Variants in IDUA observed in about 807,000 individuals in gnomAD.
IDUA encodes the protein iduronidase alpha-L-.
In IDUA, 65 loss-of-function variants were observed where a neutral mutation model predicts 68.9. That is an observed-to-expected ratio of 0.94 (90% CI 0.77 to 1.16). The LOEUF (loss-of-function observed/expected upper bound fraction) is 1.16. Among genes scored for constraint, IDUA ranks in the 50% most tolerant of loss-of-function variants. The pLI is 0.00. For synonymous variants in IDUA, 529 were observed against 433.6 expected (o/e 1.22, Z -2.73); for missense variants, 1,046 against 938.0 (o/e 1.12, Z -1.50).
chr4:991,914 C>G lies in IDUA; in HGVS notation c.299+3965C>G, dbSNP rs766773173. On this transcript the variant is annotated intron_variant, in intron 2 of 13. Transcript: ENST00000514224. Reference sequence around the variant, plus strand: ...TGCCCGGTATGGATGGACGCTGGGCCCTGCTGGATCCAGAATCCATCGTGA... The same window carrying G: ...TGCCCGGTATGGATGGACGCTGGGCGCTGCTGGATCCAGAATCCATCGTGA... 22 of 1,042,418 alleles carry G rather than the reference C, an allele frequency of 2.1e-5. No homozygotes were observed. The South Asian group carries it at 3.0e-4, about 14-fold the overall frequency. 64.6% of individuals were successfully genotyped at this position (1,042,418 alleles called of 1,614,324 possible). A position where few individuals can be genotyped will look rare whatever the true frequency, so the allele number is the denominator to read the frequency against.
rs760901993 is a variant in IDUA, at chr4:1,003,073, C to T, written c.1440C>T (p.Leu480=). Reference sequence around the variant, plus strand: ...TCACGCGCTACCTGGACAACGGGCTCTGCAGCCCCGACGGCGAGTGGCGGC... The same window carrying T: ...TCACGCGCTACCTGGACAACGGGCTTTGCAGCCCCGACGGCGAGTGGCGGC... ...VYVTRYLDNG[L]CSPDGEWRRL... Residue 480 remains leucine, a synonymous_variant, in exon 10 of 14, where the codon CTC becomes CTT. Transcript: ENST00000514224. The T allele has an allele frequency of 2.0e-6, 3 of 1,522,142 alleles. No homozygotes were observed. Among genetic ancestry groups the T allele is most frequent in the South Asian group, 2.4e-5 (2 of 82,072 alleles). The allele number at this position is 1,522,142 out of a possible 1,614,324, so 94.3% of individuals were successfully genotyped here. A position where few individuals can be genotyped will look rare whatever the true frequency, so the allele number is the denominator to read the frequency against.
In IDUA at chr4:987,221, T is replaced by C; in HGVS notation, c.137T>C (p.Phe46Ser). ...CGCGCGCTGTGGCCCCTGCGGCGCT[T>C]CTGGAGGAGCACAGGCTTCTGGTGA... ...AARALWPLRR[F>S]WRSTGFCPPL... The change falls in exon 1 of 14, where the codon TTC (phenylalanine) becomes TCC (serine). Residue 46 changes from phenylalanine (F) to serine (S), a missense_variant. Transcript: ENST00000514224. The C allele has an allele frequency of 6.7e-7, 1 of 1,500,496 alleles. No homozygotes were observed. The highest frequency in any genetic ancestry group is 8.8e-7 in the Non-Finnish European group (1 of 1,132,432). 92.9% of individuals were successfully genotyped at this position (1,500,496 alleles called of 1,614,324 possible). A position where few individuals can be genotyped will look rare whatever the true frequency, so the allele number is the denominator to read the frequency against.
At chr4:990,658 C>G in intron 2 of IDUA, 1 of 467,922 alleles carries the variant, frequency 2.1e-6, no homozygotes. Context: ...GAATTAAGAC[C>G]TCTGGTATCA....
chr4:991,869 C>G (rs1315048290), intron 2 of IDUA: 47 of 1,481,390 alleles, frequency 3.2e-5, no homozygotes, highest in Non-Finnish European at 4.1e-5. Flanking sequence ...CTTCTCCTGG[C>G]AGCGCGGGCC....
Position 1,001,561 on chromosome 4 carries a change from A to G in IDUA, c.587A>G (p.Gln196Arg). Residue 196 changes from glutamine (Q) to arginine (R), a missense_variant and splice_region_variant, in exon 5 of 14, where the codon CAA (glutamine) becomes CGA (arginine). Physicochemically the swap from Gln to Arg is conservative, Grantham distance 43. Coordinates refer to ENST00000514224, the MANE Select transcript of IDUA (RefSeq NM_000203.5). ...HDFDNVSMTMQGFLNYYDACS... is the reference protein window; with the variant it reads ...HDFDNVSMTMRGFLNYYDACS... The stretch of plus-strand genomic sequence containing the variant: ...TTTGACAACGTCTCCATGACCATGC[A>G]AGGTGTGCACCGCTTCCTGGGGTCC... 1 of 1,613,130 alleles carries G rather than the reference A, an allele frequency of 6.2e-7. No homozygotes were observed. The highest frequency in any genetic ancestry group is 8.5e-7 in the Non-Finnish European group (1 of 1,179,916).
At chr4:993,761 G>A (rs557207815) in intron 2 of IDUA, among the ~76,000 whole-genome samples, 6 of 152,356 alleles carry the variant, frequency 3.9e-5, no homozygotes, top group South Asian at 2.1e-4. Flanking sequence ...CTTGGTCTCC[G>A]TGTCCAGTCG....
At chr4:999,084 A>C (rs1428888706) in intron 2 of IDUA, among the ~76,000 whole-genome samples, 1 of 152,116 alleles carries the variant, frequency 6.6e-6, no homozygotes, top group East Asian at 1.9e-4. Flanking sequence ...GGGCGCCTGT[A>C]GTCCCAGCTA....
At chr4:991,249 C>T (rs1410047843) in intron 2 of IDUA, 1 of 1,611,950 alleles carries the variant, frequency 6.2e-7, no homozygotes, top group East Asian at 2.2e-5. Context: ...GGGCTGCAGG[C>T]CGTCCTGGGA....
In IDUA at chr4:988,000, G is replaced by A. The variant is rs774683418; in HGVS notation, c.299+51G>A. On this transcript the variant is annotated intron_variant, in intron 2 of 13. Coordinates refer to ENST00000514224, the MANE Select transcript of IDUA (RefSeq NM_000203.5). ...TCCCAGAGCCCCTTACAGAGGCACA[G>A]ATGGGAGGGGAGGGCTGGGGGCTGC... The A allele has an allele frequency of 3.9e-6, 6 of 1,525,524 alleles. No individual in the cohort carries two copies. In the South Asian group the frequency reaches 4.9e-5, roughly 12 times the overall value. 94.5% of individuals were successfully genotyped at this position (1,525,524 alleles called of 1,614,324 possible).
chr4:1,002,179 C>G lies in IDUA; in HGVS notation c.972+18C>G. On this transcript the variant is annotated intron_variant, in intron 7 of 13. Transcript: ENST00000514224. ...TGGTGAAGGTGGGCCGGCCCAACGC[C>G]CTGCGCGCCCCCCGGCCACCTTCCT... The G allele has an allele frequency of 6.4e-7, 1 of 1,558,526 alleles. No individual in the cohort carries two copies. The highest frequency in any genetic ancestry group is 8.7e-7 in the Non-Finnish European group (1 of 1,151,788).
chr4:1,004,528 T>C lies in IDUA; in HGVS notation c.*135T>C. On this transcript the variant is annotated 3_prime_UTR_variant, in exon 14 of 14. Coordinates refer to ENST00000514224, the MANE Select transcript of IDUA (RefSeq NM_000203.5). The surrounding 1 kb of genome is among the most constrained non-coding windows in gnomAD (Gnocchi z 5.0). The stretch of plus-strand genomic sequence containing the variant: ...TTTATTATTTTCTTTTATATCTTGG[T>C]ACCAACGCCCCCTTTAAAGCGGCTT... 1 of 917,258 alleles carries C rather than the reference T, an allele frequency of 1.1e-6. No individual in the cohort carries two copies. Among genetic ancestry groups the C allele is most frequent in the East Asian group, 2.7e-5 (1 of 36,828 alleles). 56.8% of individuals were successfully genotyped at this position (917,258 alleles called of 1,614,324 possible).
chr4:988,662 T>C, intron 2 of IDUA: 7 of 1,412,168 alleles, frequency 5.0e-6, no homozygotes, highest in African/African-American at 2.9e-5. Context: ...CTGCGTGTGA[T>C]CAGAGGGCCT....
In IDUA at chr4:991,564, C is replaced by T. The variant is rs778314762; in HGVS notation, c.299+3615C>T. 8.8e-5 allele frequency: 141 copies of T among 1,603,326 alleles called. No individual in the cohort carries two copies. Among genetic ancestry groups the T allele is most frequent in the Non-Finnish European group, 1.1e-4 (129 of 1,177,184 alleles). ...GGGGAGCAGGTCCTGCACCAGCGCC[C>T]GGACGCACAGCACACTGCACGAGCA... On this transcript the variant is annotated intron_variant, in intron 2 of 13. Coordinates refer to ENST00000514224, the MANE Select transcript of IDUA (RefSeq NM_000203.5).
rs1258131965 is a variant in IDUA at position 987,933 on chromosome 4, G to A, written c.283G>A (p.Glu95Lys). The A allele has an allele frequency of 6.3e-7, 1 of 1,589,304 alleles. No homozygotes were observed. The highest frequency in any genetic ancestry group is 1.3e-5 in the African/African-American group (1 of 74,342). The change falls in exon 2 of 14, where the codon GAG (glutamate) becomes AAG (lysine). Residue 95 changes from glutamate (E) to lysine (K), a missense_variant. Physicochemically the swap from Glu to Lys is moderately conservative, Grantham distance 56. Coordinates refer to ENST00000514224, the MANE Select transcript of IDUA (RefSeq NM_000203.5). ...IKQVRTHWLL[E>K]LVTTRGSTGR... is the part of the protein sequence containing the mutation. ...GCAGGTCCGGACCCACTGGCTGCTG[G>A]AGCTTGTCACCACCAGGTGGGCGGC...
Position 1,002,858 on chromosome 4 carries a change from TG to T in IDUA, c.1317del (p.Ile440SerfsTer17). 6.9e-7 allele frequency: 1 copy of T among 1,450,972 alleles called. No individual in the cohort carries two copies. Among genetic ancestry groups the T allele is most frequent in the Non-Finnish European group, 9.0e-7 (1 of 1,108,518 alleles). The allele number at this position is 1,450,972 out of a possible 1,614,324, so 89.9% of individuals were successfully genotyped here. On this transcript the variant is annotated frameshift_variant, in exon 9 of 14. Coordinates refer to ENST00000514224, the MANE Select transcript of IDUA (RefSeq NM_000203.5). LOFTEE classifies it high-confidence loss of function. Reference sequence around the variant, plus strand: ...GCCGACGCCTGGCGCGCCGCGGTGCTGATCTACGCGAGCGACGACACCCGCG... The same window carrying T: ...GCCGACGCCTGGCGCGCCGCGGTGCTATCTACGCGAGCGACGACACCCGCG... ...GPADAWRAAV[L>X]IYASDDTRAH...
rs749299830 is a variant in IDUA, at chr4:989,136, C to T, written c.299+1187C>T. On this transcript the variant is annotated intron_variant, in intron 2 of 13. Transcript: ENST00000514224. ...GGAAGCCGGCCGCTGCGGGCACCAG[C>T]GCAGCCCTGGTGCTAACCGGGCCCA... The T allele has an allele frequency of 2.2e-5, 35 of 1,607,246 alleles. No homozygotes were observed. In the East Asian group the frequency reaches 3.6e-4, roughly 16 times the overall value.
At chr4:987,667 T>C (rs1713841959) in intron 1 of IDUA, 142 bp from the exon 2 acceptor site, 7 of 1,484,160 alleles carry the variant, frequency 4.7e-6, no homozygotes, top group Non-Finnish European at 5.4e-6. Context: ...TTCCTGGCCC[T>C]AAGGGTCATT....
intron 2 of IDUA, chr4:990,080 G>C: frequency 1.3e-6 from 2 of 1,599,820 alleles, no homozygotes; most frequent in Non-Finnish European, 1.7e-6. Context: ...ACCCTCAGGC[G>C]GTGTCGGTAG....
chr4:989,131 A>G, intron 2 of IDUA: 1 of 1,607,398 alleles, frequency 6.2e-7, no homozygotes, highest in Non-Finnish European at 8.5e-7. Context: ...CGCTGCGGGC[A>G]CCAGCGCAGC....
Sources: gnomAD v4.1 joint callset for allele counts (sites outside exome capture counted in the v4.1 genomes callset) on GRCh38, gnomAD v4.1.1 for gene constraint, Gnocchi (gnomAD v3.1) non-coding constraint, MANE v1.5 for transcripts, NCBI Gene and HGNC (gene_info 2026-07-23, HGNC 2026-07-21) for gene names.